TRPC1: variants seen among roughly 807,000 people sequenced by gnomAD.
TRPC1 encodes the protein transient receptor potential cation channel subfamily C member 1, also known as short transient receptor potential channel 1.
In TRPC1, 42 loss-of-function variants were observed where a neutral mutation model predicts 88.2. The ratio of observed to expected loss-of-function variants is 0.48; its 90% CI spans 0.37 to 0.62. The LOEUF (loss-of-function observed/expected upper bound fraction) is 0.62. Among genes scored for constraint, TRPC1 ranks in the 20% least tolerant of loss-of-function variants. The pLI, the probability that TRPC1 is intolerant of heterozygous loss-of-function variation, is 0.00. For missense variants in TRPC1, 699 were observed against 957.3 expected, an observed-to-expected ratio of 0.73 and a Z score of 3.56; for synonymous variants, 288 against 331.8, an observed-to-expected ratio of 0.87 and a Z score of 1.43.
Position 142,785,017 on chromosome 3 carries a change from A to C in TRPC1, c.1274A>C (p.Tyr425Ser). The C allele has an allele frequency of 1.2e-6, 2 of 1,609,568 alleles. No individual in the cohort carries two copies. The highest frequency in any genetic ancestry group is 1.7e-6 in the Non-Finnish European group (2 of 1,178,122). Reference protein sequence around the residue: ...TMGPALERIDYLLILWIIGMI... With the variant: ...TMGPALERIDSLLILWIIGMI... ...GGGCCAGCCCTTGAAAGAATAGACT[A>C]TCTTCTTATTCTGTGGATTATTGGT... The change falls in exon 7 of 13, where the codon TAT becomes TCT. Residue 425 changes from tyrosine to serine, a missense_variant. Transcript: ENST00000476941.
intron 6 of TRPC1, among the ~76,000 whole-genome samples, chr3:142,784,294 A>G (rs900640770): frequency 6.6e-6 from 1 of 152,134 alleles, no homozygotes; most frequent in African/African-American, 2.4e-5. Context: ...ACATGAAAAA[A>G]TGGCTAAGTA....
At chr3:142,727,759 T>A (rs1482896302) in intron 1 of TRPC1, among the ~76,000 whole-genome samples, 1 of 152,150 alleles carries the variant, frequency 6.6e-6, no homozygotes, top group Non-Finnish European at 1.5e-5. Flanking sequence ...AGGTAAAACT[T>A]AATTGAAACA....
Position 142,724,454 on chromosome 3 carries a change from G to A in TRPC1, c.-106G>A. On this transcript the variant is annotated 5_prime_UTR_variant, in exon 1 of 13. Transcript: ENST00000476941. This position sits in a 1 kb window ranked among gnomAD's most constrained non-coding sequence, Gnocchi z 5.6. ...CTCGAGCCGAGGCAGCAGTGGGAAC[G>A]ACTCATCCTTTTTCCAGCCCTGGGG... 5 of 1,165,908 alleles carry A rather than the reference G, an allele frequency of 4.3e-6. No individual in the cohort carries two copies. Among genetic ancestry groups the A allele is most frequent in the South Asian group, 1.7e-5 (1 of 60,436 alleles). The allele number at this position is 1,165,908 out of a possible 1,614,324, so 72.2% of individuals were successfully genotyped here.
At chr3:142,791,188 C>G (rs775219888) in intron 8 of TRPC1, 30 bp downstream of exon 8, 2 of 1,568,152 alleles carry the variant, frequency 1.3e-6, no homozygotes, top group Non-Finnish European at 1.7e-6. Context: ...ATTGAAGGCA[C>G]AAATTAAGTT....
At position 142,803,718 on chromosome 3, in the gene TRPC1, C is replaced by A. The variant is rs560803780; in HGVS notation, c.1758-259C>A. On this transcript the variant is annotated intron_variant, in intron 10 of 12. Coordinates refer to ENST00000476941, the MANE Select transcript of TRPC1 (RefSeq NM_001251845.2). ...AAAATCTAATTAGATGTTAACAAAT[C>A]ATATAGGCTGCCTTGTTGAGAACAG... Among the ~76,000 whole-genome samples the A allele has an allele frequency of 7.9e-5, 12 of 152,268 alleles. No individual in the cohort carries two copies. In the South Asian group the frequency reaches 2.5e-3, roughly 32 times the overall value.
chr3:142,762,626 A>G (rs1425278841), intron 4 of TRPC1, among the ~76,000 whole-genome samples: 1 of 151,276 alleles, frequency 6.6e-6, no homozygotes, highest in Non-Finnish European at 1.5e-5. Flanking sequence ...ATGGGGTTTC[A>G]CCATGTTGGC....
At chr3:142,804,680 A>G (rs1223399694) in intron 12 of TRPC1, 50 bp downstream of exon 12, 2 of 1,513,120 alleles carry the variant, frequency 1.3e-6, no homozygotes, top group African/African-American at 2.8e-5. Flanking sequence ...AACAATTCCT[A>G]ATCTCAGATA....
chr3:142,779,188 A>G (rs1935878881), intron 5 of TRPC1, among the ~76,000 whole-genome samples: 1 of 152,214 alleles, frequency 6.6e-6, no homozygotes, highest in South Asian at 2.1e-4. Context: ...CATTTACTTC[A>G]ATCCAGTGTT....
At chr3:142,726,103 G>C (rs1933660239) in intron 1 of TRPC1, among the ~76,000 whole-genome samples, 1 of 152,140 alleles carries the variant, frequency 6.6e-6, no homozygotes, top group Non-Finnish European at 1.5e-5. Context: ...TTGCTGGAGT[G>C]GGTTGCCTGA....
intron 3 of TRPC1, 54 bp downstream of exon 3, chr3:142,743,640 T>G: frequency 2.7e-6 from 3 of 1,097,090 alleles, no homozygotes; most frequent in Non-Finnish European, 3.7e-6. Context: ...AATAGATCTC[T>G]TGCCCCATTG....
intron 9 of TRPC1, among the ~76,000 whole-genome samples, chr3:142,797,957 C>T (rs1936502152): frequency 6.6e-6 from 1 of 152,064 alleles, no homozygotes; most frequent in African/African-American, 2.4e-5. Context: ...GTTGGTGCTG[C>T]TTCTAACGAG....
At chr3:142,784,277 A>G (rs868567093) in intron 6 of TRPC1, among the ~76,000 whole-genome samples, 4 of 152,208 alleles carry the variant, frequency 2.6e-5, no homozygotes, top group African/African-American at 7.2e-5. Flanking sequence ...GAGTTTTTAT[A>G]TATTAAACAT....
chr3:142,782,889 G>A (rs895829487), intron 6 of TRPC1, among the ~76,000 whole-genome samples: 2 of 152,210 alleles, frequency 1.3e-5, no homozygotes, highest in Non-Finnish European at 2.9e-5. Context: ...TGGCTTCAGA[G>A]TGGCTTTTTA....
chr3:142,794,256 G>T (rs1388749987), intron 9 of TRPC1, among the ~76,000 whole-genome samples: 1 of 151,832 alleles, frequency 6.6e-6, no homozygotes, highest in Non-Finnish European at 1.5e-5. Context: ...CATGCACATT[G>T]ATTTTTTTTT....
At chr3:142,745,246 T>C (rs188915237) in intron 3 of TRPC1, among the ~76,000 whole-genome samples, 246 of 152,352 alleles carry the variant, frequency 1.6e-3, no homozygotes, top group African/African-American at 5.7e-3. Flanking sequence ...ACCTGTCCCA[T>C]CTTCTAGCCT....
intron 6 of TRPC1, among the ~76,000 whole-genome samples, chr3:142,783,340 C>T (rs1272925246): frequency 6.6e-6 from 1 of 152,048 alleles, no homozygotes; most frequent in Non-Finnish European, 1.5e-5. Context: ...CCTTGAGGGA[C>T]AAATTAAGAT....
In TRPC1 at chr3:142,768,724, G is replaced by GT. The variant is rs138025757; in HGVS notation, c.633-8902dup. Among the ~76,000 whole-genome samples, 1,469 of 151,752 alleles carry GT rather than the reference G, an allele frequency of 9.7e-3. 34 individuals are homozygous for GT. Among genetic ancestry groups the GT allele is most frequent in the East Asian group, 0.088 (457 of 5,170 alleles). On this transcript the variant is annotated intron_variant, in intron 4 of 12. Transcript: ENST00000476941. The stretch of plus-strand genomic sequence containing the variant: ...AAGTATACCTTTCTATTTCCTCTGT[G>GT]TTTTTTAACTATTTAAGAATTTTTT...
At chr3:142,735,611 G>A (rs1378125986) in intron 1 of TRPC1, among the ~76,000 whole-genome samples, 1 of 152,094 alleles carries the variant, frequency 6.6e-6, no homozygotes, top group Admixed American at 6.5e-5. Flanking sequence ...TGTAATTGTT[G>A]TCATTTCCTC....
chr3:142,736,660 T>C, intron 2 of TRPC1, 127 bp downstream of exon 2: 1 of 885,050 alleles, frequency 1.1e-6, no homozygotes, highest in South Asian at 2.9e-5. Context: ...TCTTTGTCTC[T>C]CTTACTCTCC....
Sources: gnomAD v4.1 joint callset for allele counts (sites outside exome capture counted in the v4.1 genomes callset) on GRCh38, gnomAD v4.1.1 for gene constraint, Gnocchi (gnomAD v3.1) non-coding constraint, MANE v1.5 for transcripts, NCBI Gene and HGNC (gene_info 2026-07-23, HGNC 2026-07-21) for gene names.